The following ANKRD61 variants were observed in gnomAD, a reference collection of about 807,000 sequenced individuals.
ANKRD61 encodes ankyrin repeat domain 61.
Under a neutral mutation model 8.4 loss-of-function variants are expected in ANKRD61, and 7 were observed. That is an observed-to-expected ratio of 0.84 (90% CI 0.48 to 1.57). ANKRD61 has a LOEUF of 1.57. ANKRD61 is among the 40% of genes most tolerant of loss of function. The probability of loss-of-function intolerance (pLI) is 0.00; values close to 1 mark genes in which losing one functional copy is unlikely to be tolerated. For synonymous variants in ANKRD61, 198 were observed against 208.0 expected, an observed-to-expected ratio of 0.95 and a Z score of 0.41; for missense variants, 516 against 523.4, an observed-to-expected ratio of 0.99 and a Z score of 0.14.
chr7:6,032,971 TTTC>T lies in ANKRD61; in HGVS notation c.314+38_314+40del. ...CTCCACCGAAAATCATTTCTTTTTT[TTTC>T]TTTTTTGTTTTGAGGCAGGGGTCTC... On this transcript the variant is annotated intron_variant, in intron 2 of 2. Transcript: ENST00000409061. This position sits in a 1 kb window ranked among gnomAD's most constrained non-coding sequence, Gnocchi z 4.3. 3 of 1,528,734 alleles carry T rather than the reference TTTC, an allele frequency of 2.0e-6. No homozygotes were observed. The highest frequency in any genetic ancestry group is 2.7e-6 in the Non-Finnish European group (3 of 1,129,064). The allele number at this position is 1,528,734 out of a possible 1,614,324, so 94.7% of individuals were successfully genotyped here.
At chr7:6,034,250 T>TA (rs1457055058) in intron 2 of ANKRD61, among the ~76,000 whole-genome samples, 4 of 151,862 alleles carry the variant, frequency 2.6e-5, no homozygotes, top group Non-Finnish European at 5.9e-5. Context: ...GCAGTTGCAG[T>TA]GAGCCAAAAT....
chr7:6,034,324 A>G (rs545077665), intron 2 of ANKRD61, among the ~76,000 whole-genome samples: 4 of 152,114 alleles, frequency 2.6e-5, no homozygotes, highest in Non-Finnish European at 4.4e-5. Flanking sequence ...TAATAATAAT[A>G]GAACTTCTTG....
Position 6,033,001 on chromosome 7 carries a change from C to A in ANKRD61, c.314+65C>A. On this transcript the variant is annotated intron_variant, in intron 2 of 2. Coordinates refer to ENST00000409061, the MANE Select transcript of ANKRD61 (RefSeq NM_001271700.2). The surrounding 1 kb of genome is among the most constrained non-coding windows in gnomAD (Gnocchi z 4.4). ...TTTTTGTTTTGAGGCAGGGGTCTCGCTCTGTTGCCCAGGCTGGAGTGCAAT... is the reference window on the plus strand; with the variant it reads ...TTTTTGTTTTGAGGCAGGGGTCTCGATCTGTTGCCCAGGCTGGAGTGCAAT... 2 of 1,386,922 alleles carry A rather than the reference C, an allele frequency of 1.4e-6. No homozygotes were observed. The highest frequency in any genetic ancestry group is 2.0e-6 in the Non-Finnish European group (2 of 1,013,626). The allele number at this position is 1,386,922 out of a possible 1,614,324, so 85.9% of individuals were successfully genotyped here. A position where few individuals can be genotyped will look rare whatever the true frequency, so the allele number is the denominator to read the frequency against.
chr7:6,033,900 C>G lies in ANKRD61; in HGVS notation c.314+964C>G, dbSNP rs1787987857. Reference sequence around the variant, plus strand: ...GGATTTTCTTGTTTATTACTCTCCACTAGAAGGTAAGCCGCATGAAAGAGA... The same window carrying G: ...GGATTTTCTTGTTTATTACTCTCCAGTAGAAGGTAAGCCGCATGAAAGAGA... On this transcript the variant is annotated intron_variant, in intron 2 of 2. Transcript: ENST00000409061. The surrounding 1 kb of genome is among the most constrained non-coding windows in gnomAD (Gnocchi z 4.4). Among the ~76,000 whole-genome samples, 1 of 152,096 alleles carries G rather than the reference C, an allele frequency of 6.6e-6. No individual in the cohort carries two copies. Among genetic ancestry groups the G allele is most frequent in the African/African-American group, 2.4e-5 (1 of 41,418 alleles).
At chr7:6,034,661 G>A (rs1035720621) in intron 2 of ANKRD61, among the ~76,000 whole-genome samples, 11 of 152,158 alleles carry the variant, frequency 7.2e-5, no homozygotes, top group African/African-American at 2.4e-4. Context: ...ATAGCCTAGG[G>A]CCTCACGCTA....
At position 6,035,984 on chromosome 7, in the gene ANKRD61, A is replaced by T. The variant is rs751968890; in HGVS notation, c.855A>T (p.Ala285=). The change falls in exon 3 of 3, where the codon GCA becomes GCT. Residue 285 remains alanine (A), a synonymous_variant. Transcript: ENST00000409061. The surrounding 1 kb of genome is among the most constrained non-coding windows in gnomAD (Gnocchi z 5.5). ...AGGGCCAAACAGCCATCCATGAGGCATGCTTTGGAGGCAGAGAGGCAATCA... is the reference window on the plus strand; with the variant it reads ...AGGGCCAAACAGCCATCCATGAGGCTTGCTTTGGAGGCAGAGAGGCAATCA... ...DYKGQTAIHE[A]CFGGREAIIN... 8 of 1,550,904 alleles carry T rather than the reference A, an allele frequency of 5.2e-6. No individual in the cohort carries two copies. In the South Asian group the frequency reaches 9.5e-5, roughly 18 times the overall value.
rs1583484248 is a variant in ANKRD61, at chr7:6,036,542, T to C, written c.*156T>C. 6.6e-6 allele frequency among the ~76,000 whole-genome samples: 1 copy of C among 152,050 alleles called. No individual in the cohort carries two copies. Among genetic ancestry groups the C allele is most frequent in the Non-Finnish European group, 1.5e-5 (1 of 68,024 alleles). Reference sequence around the variant, plus strand: ...AACATGTTCCAAAATACAAAGTGATTTGTCTATTAACATTTTTGTTCCTAG... The same window carrying C: ...AACATGTTCCAAAATACAAAGTGATCTGTCTATTAACATTTTTGTTCCTAG... On this transcript the variant is annotated 3_prime_UTR_variant, in exon 3 of 3. Coordinates refer to ENST00000409061, the MANE Select transcript of ANKRD61 (RefSeq NM_001271700.2). The surrounding 1 kb of genome is among the most constrained non-coding windows in gnomAD (Gnocchi z 4.6).
At position 6,032,619 on chromosome 7, in the gene ANKRD61, T is replaced by C. The variant is rs1787948421; in HGVS notation, c.217-220T>C. ...GTGTTATTTCTGTTGCCTCAGTAAA[T>C]GTGCATTTCTGTGAAACACAGATTT... On this transcript the variant is annotated intron_variant, in intron 1 of 2. Coordinates refer to ENST00000409061, the MANE Select transcript of ANKRD61 (RefSeq NM_001271700.2). The surrounding 1 kb of genome is among the most constrained non-coding windows in gnomAD (Gnocchi z 4.3). 6.6e-6 allele frequency among the ~76,000 whole-genome samples: 1 copy of C among 152,232 alleles called. No individual in the cohort carries two copies.
chr7:6,034,206 C>G (rs1487903188), intron 2 of ANKRD61, among the ~76,000 whole-genome samples: 1 of 151,904 alleles, frequency 6.6e-6, no homozygotes, highest in Non-Finnish European at 1.5e-5. Context: ...ACTCGGGAGG[C>G]TGAGGCAGGA....
rs1788081861 is a variant in ANKRD61, at chr7:6,036,142, C to T, written c.1013C>T (p.Thr338Ile). Residue 338 changes from threonine to isoleucine, a missense_variant, in exon 3 of 3, where the codon ACT (threonine) becomes ATT (isoleucine). Physicochemically the swap from Thr to Ile is moderately conservative, Grantham distance 89 (BLOSUM62 -1). Transcript: ENST00000409061. The surrounding 1 kb of genome is among the most constrained non-coding windows in gnomAD (Gnocchi z 4.6). ...TALLARLLYH[T>I]YPLRMTNNQG... ...CTTCTGGCCAGGCTACTTTATCACA[C>T]TTATCCTCTGAGAATGACCAATAAC... The T allele has an allele frequency of 6.4e-7, 1 of 1,550,402 alleles. No individual in the cohort carries two copies. Among genetic ancestry groups the T allele is most frequent in the African/African-American group, 1.4e-5 (1 of 73,046 alleles).
chr7:6,035,320 C>T lies in ANKRD61; in HGVS notation c.315-124C>T. On this transcript the variant is annotated intron_variant, in intron 2 of 2. Coordinates refer to ENST00000409061, the MANE Select transcript of ANKRD61 (RefSeq NM_001271700.2). The surrounding 1 kb of genome is among the most constrained non-coding windows in gnomAD (Gnocchi z 5.5). ...CTACCCAGCGATACAGATTTTGAAACACGTCCTTAAGGTAATTGAAGGGTC... is the reference window on the plus strand; with the variant it reads ...CTACCCAGCGATACAGATTTTGAAATACGTCCTTAAGGTAATTGAAGGGTC... 1.0e-6 allele frequency: 1 copy of T among 988,334 alleles called. No homozygotes were observed. Among genetic ancestry groups the T allele is most frequent in the Non-Finnish European group, 1.5e-6 (1 of 685,958 alleles). The allele number at this position is 988,334 out of a possible 1,614,324, so 61.2% of individuals were successfully genotyped here.
Position 6,035,331 on chromosome 7 carries a change from G to C in ANKRD61, c.315-113G>C. ...TACAGATTTTGAAACACGTCCTTAAGGTAATTGAAGGGTCTTACTTTAAAT... is the reference window on the plus strand; with the variant it reads ...TACAGATTTTGAAACACGTCCTTAACGTAATTGAAGGGTCTTACTTTAAAT... On this transcript the variant is annotated intron_variant, in intron 2 of 2. Transcript: ENST00000409061. The surrounding 1 kb of genome is among the most constrained non-coding windows in gnomAD (Gnocchi z 5.5). 1 of 1,035,926 alleles carries C rather than the reference G, an allele frequency of 9.7e-7. No homozygotes were observed. The highest frequency in any genetic ancestry group is 1.4e-6 in the Non-Finnish European group (1 of 723,168). The allele number at this position is 1,035,926 out of a possible 1,614,324, so 64.2% of individuals were successfully genotyped here.
In ANKRD61 at chr7:6,035,639, A is replaced by T; in HGVS notation, c.510A>T (p.Ser170=). 6.4e-7 allele frequency: 1 copy of T among 1,550,660 alleles called. No homozygotes were observed. The highest frequency in any genetic ancestry group is 8.7e-7 in the Non-Finnish European group (1 of 1,147,050). Residue 170 remains serine (S), a synonymous_variant, in exon 3 of 3, where the codon TCA becomes TCT. Coordinates refer to ENST00000409061, the MANE Select transcript of ANKRD61 (RefSeq NM_001271700.2). This position sits in a 1 kb window ranked among gnomAD's most constrained non-coding sequence, Gnocchi z 5.5. The part of the protein sequence containing the change: ...NTQGEISNKR[S]PLHLAIAYGC... ...AAGGGGAAATCAGCAACAAACGTTC[A>T]CCACTCCACCTGGCCATAGCATATG...
At chr7:6,034,012 T>C (rs1324844982) in intron 2 of ANKRD61, among the ~76,000 whole-genome samples, 1 of 150,708 alleles carries the variant, frequency 6.6e-6, no homozygotes, top group Non-Finnish European at 1.5e-5. Flanking sequence ...ACTATCCGAG[T>C]GAATGAAAGA....
intron 2 of ANKRD61, among the ~76,000 whole-genome samples, chr7:6,034,148 A>G (rs1323602920): frequency 2.6e-5 from 4 of 151,674 alleles, no homozygotes; most frequent in Non-Finnish European, 4.4e-5. Context: ...CTCTACTAAA[A>G]ATACAAAAAC....
At position 6,031,564 on chromosome 7, in the gene ANKRD61, C is replaced by G. The variant is rs766037910; in HGVS notation, c.189C>G (p.Ser63=). 1 of 1,550,766 alleles carries G rather than the reference C, an allele frequency of 6.4e-7. No homozygotes were observed. Among genetic ancestry groups the G allele is most frequent in the African/African-American group, 1.4e-5 (1 of 73,142 alleles). ...AGCCCATCACCATTCTGCCCAACTC[C>G]GCCAGCAACAGATTACTTCTGACCC... ...VNQPITILPN[S]ASNRLLLTQP... Residue 63 remains serine (S), a synonymous_variant, in exon 1 of 3, where the codon TCC becomes TCG. Transcript: ENST00000409061.
chr7:6,031,674 T>A, intron 1 of ANKRD61, 83 bp downstream of exon 1: 1 of 1,362,520 alleles, frequency 7.3e-7, no homozygotes, highest in Non-Finnish European at 1.0e-6. Flanking sequence ...GTGAACCCAC[T>A]AAGCTCACGG....
chr7:6,036,028 T>A lies in ANKRD61; in HGVS notation c.899T>A (p.Phe300Tyr). 1 of 1,551,090 alleles carries A rather than the reference T, an allele frequency of 6.4e-7. No homozygotes were observed. Among genetic ancestry groups the A allele is most frequent in the South Asian group, 1.2e-5 (1 of 84,056 alleles). ...GCAATCATCAATCTCCTGCTTGAAT[T>A]TGAAGCAAATGTTAACATTTTAACA... is the stretch of plus-strand genomic sequence containing the variant. Reference protein sequence around the residue: ...REAIINLLLEFEANVNILTRN... With the variant: ...REAIINLLLEYEANVNILTRN... The change falls in exon 3 of 3, where the codon TTT becomes TAT. Residue 300 changes from phenylalanine to tyrosine, a missense_variant. By Grantham distance (22) the Phe-to-Tyr change is conservative (BLOSUM62 3). Coordinates refer to ENST00000409061, the MANE Select transcript of ANKRD61 (RefSeq NM_001271700.2). This position sits in a 1 kb window ranked among gnomAD's most constrained non-coding sequence, Gnocchi z 4.6.
In ANKRD61 at chr7:6,033,482, G is replaced by A. The variant is rs1296615851; in HGVS notation, c.314+546G>A. 2.6e-5 allele frequency among the ~76,000 whole-genome samples: 4 copies of A among 152,182 alleles called. No homozygotes were observed. The highest frequency in any genetic ancestry group is 7.2e-5 in the African/African-American group (3 of 41,434). ...CATTCTGAGGATTAAGAGCTCAATG[G>A]TGGTGTTGTGAGGAATGCAGTAAAG... On this transcript the variant is annotated intron_variant, in intron 2 of 2. Coordinates refer to ENST00000409061, the MANE Select transcript of ANKRD61 (RefSeq NM_001271700.2). The surrounding 1 kb of genome is among the most constrained non-coding windows in gnomAD (Gnocchi z 4.4).
Sources: allele counts gnomAD v4.1 joint callset (sites outside exome capture counted in the v4.1 genomes callset), GRCh38; gene constraint gnomAD v4.1.1; non-coding constraint Gnocchi (gnomAD v3.1); transcripts MANE v1.5; gene names NCBI Gene and HGNC (gene_info 2026-07-23, HGNC 2026-07-21).